MYO1B: variants seen among roughly 807,000 people sequenced by gnomAD.
MYO1B encodes the protein myosin IB.
MYO1B carries 72 observed loss-of-function variants against 159.7 expected under a neutral mutation model. The observed-to-expected ratio is 0.45, with a 90% CI of 0.37 to 0.55. The LOEUF (loss-of-function observed/expected upper bound fraction) is 0.55. MYO1B is among the 20% of genes least tolerant of loss of function. The probability of loss-of-function intolerance (pLI) is 0.00; values close to 1 mark genes in which losing one functional copy is unlikely to be tolerated. For synonymous variants in MYO1B, 468 were observed against 473.8 expected, an observed-to-expected ratio of 0.99 and a Z score of 0.16; for missense variants, 1,062 against 1,364.8, an observed-to-expected ratio of 0.78 and a Z score of 3.50.
At position 191,414,198 on chromosome 2, in the gene MYO1B, G is replaced by C; in HGVS notation, c.3006+18G>C. The C allele has an allele frequency of 6.2e-7, 1 of 1,605,040 alleles. No individual in the cohort carries two copies. Among genetic ancestry groups the C allele is most frequent in the Non-Finnish European group, 8.5e-7 (1 of 1,177,044 alleles). ...ATGGGAAGGTAAAAATGCTAACCTT[G>C]AAGACTGATAAGAAGTACCTATTAG... is the stretch of plus-strand genomic sequence containing the variant. On this transcript the variant is annotated intron_variant, in intron 28 of 30. Transcript: ENST00000392318.
intron 13 of MYO1B, among the ~76,000 whole-genome samples, chr2:191,376,479 A>T (rs1315686606): frequency 6.6e-6 from 1 of 152,236 alleles, no homozygotes; most frequent in Non-Finnish European, 1.5e-5. Context: ...CATATTTTAC[A>T]GCAATAATAT....
intron 21 of MYO1B, among the ~76,000 whole-genome samples, chr2:191,399,700 C>T (rs1374655956): frequency 1.3e-5 from 2 of 152,148 alleles, no homozygotes; most frequent in South Asian, 2.1e-4. Context: ...CCCAGGCCCT[C>T]GACAACTTAA....
At chr2:191,355,474 G>A (rs958199644) in intron 7 of MYO1B, among the ~76,000 whole-genome samples, 2 of 152,240 alleles carry the variant, frequency 1.3e-5, no homozygotes, top group African/African-American at 4.8e-5. Context: ...TGGAGAGGAA[G>A]TGGCTTTATT....
rs1696526546 is a variant in MYO1B, at chr2:191,400,280, G to A, written c.2296-102G>A. The A allele has an allele frequency of 4.1e-6, 5 of 1,222,776 alleles. No homozygotes were observed. The African/African-American group carries it at 5.9e-5, about 15-fold the overall frequency. 75.7% of individuals were successfully genotyped at this position (1,222,776 alleles called of 1,614,324 possible). ...TTTAACCTGTTGATTTATCACAATA[G>A]CATGGGTGTTAGGACGATCATCTCT... On this transcript the variant is annotated intron_variant, in intron 21 of 30. Transcript: ENST00000392318.
intron 1 of MYO1B, among the ~76,000 whole-genome samples, chr2:191,273,228 C>T (rs1370259967): frequency 6.6e-6 from 1 of 152,178 alleles, no homozygotes; most frequent in African/African-American, 2.4e-5. Context: ...AAGCAATTCT[C>T]CTGCCTCAAC....
At chr2:191,362,882 G>GA (rs1388207098) in intron 9 of MYO1B, among the ~76,000 whole-genome samples, 1 of 152,188 alleles carries the variant, frequency 6.6e-6, no homozygotes, top group African/African-American at 2.4e-5. Context: ...TGGTAACTGG[G>GA]ATTTACTTGC....
At chr2:191,376,194 A>G (rs575583707) in intron 13 of MYO1B, among the ~76,000 whole-genome samples, 6 of 152,304 alleles carry the variant, frequency 3.9e-5, no homozygotes, top group African/African-American at 1.2e-4. Context: ...AAAAAATGTT[A>G]AGGGAAATTT....
At chr2:191,364,370 A>G in intron 11 of MYO1B, 94 bp downstream of exon 11, 1 of 972,692 alleles carries the variant, frequency 1.0e-6, no homozygotes, top group Non-Finnish European at 1.6e-6. Context: ...ACAGGCTGTT[A>G]CCTGAATCGT....
At chr2:191,315,717 A>G (rs1304076398) in intron 3 of MYO1B, among the ~76,000 whole-genome samples, 1 of 152,234 alleles carries the variant, frequency 6.6e-6, no homozygotes, top group Non-Finnish European at 1.5e-5. Flanking sequence ...ACACCTCCCA[A>G]AACTTAGTAA....
intron 5 of MYO1B, among the ~76,000 whole-genome samples, chr2:191,345,103 G>T (rs988893947): frequency 1.3e-5 from 2 of 152,124 alleles, no homozygotes; most frequent in Non-Finnish European, 2.9e-5. Flanking sequence ...TCTGATTCCA[G>T]AAGTTTATTT....
In MYO1B at chr2:191,303,505, A is replaced by G. The variant is rs576101021; in HGVS notation, c.251+7279A>G. On this transcript the variant is annotated intron_variant, in intron 3 of 30. Transcript: ENST00000392318. ...ATTACTGTAGAAGAGATATTCATTT[A>G]CTGAGCAAATATTTATTGAGAGCTT... Among the ~76,000 whole-genome samples the G allele has an allele frequency of 5.9e-5, 9 of 152,342 alleles. No individual in the cohort carries two copies. The East Asian group carries it at 1.7e-3, about 29-fold the overall frequency.
At chr2:191,419,444 T>C (rs1487925925) in intron 30 of MYO1B, among the ~76,000 whole-genome samples, 3 of 152,126 alleles carry the variant, frequency 2.0e-5, no homozygotes, top group Non-Finnish European at 4.4e-5. Flanking sequence ...GGTCTCGATC[T>C]CCTGACCTTG....
chr2:191,397,868 G>A (rs1194440618), intron 21 of MYO1B, among the ~76,000 whole-genome samples: 2 of 142,744 alleles, frequency 1.4e-5, no homozygotes, highest in Middle Eastern at 3.7e-3. Flanking sequence ...GCCAGGCAGA[G>A]GGGCTCCTCA....
intron 2 of MYO1B, among the ~76,000 whole-genome samples, chr2:191,277,264 TGGGGGCATTCTA>T (rs1388852784): frequency 6.6e-6 from 1 of 152,188 alleles, no homozygotes; most frequent in Non-Finnish European, 1.5e-5. Flanking sequence ...TAGTGGGTGT[TGGGGGCATTCTA>T]AAGCAAGCAG....
At chr2:191,404,325 G>A (rs1214167342) in intron 24 of MYO1B, among the ~76,000 whole-genome samples, 1 of 152,076 alleles carries the variant, frequency 6.6e-6, no homozygotes, top group Non-Finnish European at 1.5e-5. Context: ...CTGCCCTGTC[G>A]AATATCAAAA....
chr2:191,316,910 CT>C (rs1690386317), intron 3 of MYO1B, among the ~76,000 whole-genome samples: 1 of 152,274 alleles, frequency 6.6e-6, no homozygotes, highest in Non-Finnish European at 1.5e-5. Context: ...CGTGTGGAGT[CT>C]TTGAAGATGT....
At chr2:191,358,754 T>C (rs1306802851) in intron 7 of MYO1B, among the ~76,000 whole-genome samples, 1 of 152,224 alleles carries the variant, frequency 6.6e-6, no homozygotes, top group Non-Finnish European at 1.5e-5. Flanking sequence ...GGACAGCAGC[T>C]CACCTCGTCC....
At chr2:191,310,760 T>C (rs1689953333) in intron 3 of MYO1B, among the ~76,000 whole-genome samples, 2 of 152,232 alleles carry the variant, frequency 1.3e-5, no homozygotes, top group Non-Finnish European at 1.5e-5. Flanking sequence ...TACTTAAAAT[T>C]GCAAGCTATG....
At chr2:191,274,502 TTA>T (rs1687635981) in intron 1 of MYO1B, among the ~76,000 whole-genome samples, 1 of 152,180 alleles carries the variant, frequency 6.6e-6, no homozygotes, top group Non-Finnish European at 1.5e-5. Context: ...TTTGCTTAAT[TTA>T]AATTGCTGGT....
Sources: gnomAD v4.1 joint callset for allele counts (sites outside exome capture counted in the v4.1 genomes callset) on GRCh38, gnomAD v4.1.1 for gene constraint, MANE v1.5 for transcripts, NCBI Gene and HGNC (gene_info 2026-07-23, HGNC 2026-07-21) for gene names.